The following TMEM236 variants were observed in gnomAD, a reference collection of about 807,000 sequenced individuals.
TMEM236 encodes family with sequence similarity 23, member A.
In TMEM236, 11 loss-of-function variants were observed where a neutral mutation model predicts 14.7. That is an observed-to-expected ratio of 0.75 (90% CI 0.47 to 1.24). TMEM236 has a LOEUF of 1.24. Among genes scored for constraint, TMEM236 ranks in the 50% most tolerant of loss-of-function variants. TMEM236 has a pLI of 0.00. For synonymous variants in TMEM236, 182 were observed against 168.6 expected (o/e 1.08, Z -0.62); for missense variants, 464 against 427.3 (o/e 1.09, Z -0.76).
At chr10:17,769,609 C>G (rs1290097961) in intron 1 of TMEM236, among the ~76,000 whole-genome samples, 2 of 152,090 alleles carry the variant, frequency 1.3e-5, no homozygotes, top group Non-Finnish European at 2.9e-5. Flanking sequence ...ACTTAGAGAA[C>G]TTAGTGTTGT....
chr10:17,775,756 A>G (rs1418445133), intron 2 of TMEM236, among the ~76,000 whole-genome samples: 8 of 152,240 alleles, frequency 5.3e-5, no homozygotes, highest in African/African-American at 4.8e-5. Context: ...TACCCCTTCA[A>G]TATTACAGGG....
intron 3 of TMEM236, among the ~76,000 whole-genome samples, chr10:17,776,407 A>C (rs1189774738): frequency 6.6e-6 from 1 of 152,248 alleles, no homozygotes; most frequent in Non-Finnish European, 1.5e-5. Context: ...AAAAATTATC[A>C]AATAGTTAAT....
At position 17,752,313 on chromosome 10, in the gene TMEM236, CA is replaced by C; in HGVS notation, c.19del (p.Ile7LeufsTer9). 1 of 1,613,896 alleles carries C rather than the reference CA, an allele frequency of 6.2e-7. No homozygotes were observed. Among genetic ancestry groups the C allele is most frequent in the African/African-American group, 1.3e-5 (1 of 75,018 alleles). MASGRL[I>X]KFVVFELLEF... ...TCCTCAGGATGGCTTCTGGAAGGCT[CA>C]TTAAGTTCGTGGTTTTTGAGCTCCT... On this transcript the variant is annotated frameshift_variant, in exon 1 of 4. Coordinates refer to ENST00000377495, the MANE Select transcript of TMEM236 (RefSeq NM_001098844.3). LOFTEE classifies it high-confidence loss of function.
rs1173283496 is a variant in TMEM236 at position 17,799,846 on chromosome 10, C to CTT, written c.*3343_*3344insTT. 95,045 of 152,088 alleles carry CTT rather than the reference C, an allele frequency of 0.62. 30,450 individuals are homozygous for CTT. Among genetic ancestry groups the CTT allele is most frequent in the African/African-American group, 0.77 (31,669 of 41,376 alleles). The allele number at this position is 152,088 out of a possible 1,614,324, so 9.4% of individuals were successfully genotyped here. On this transcript the variant is annotated 3_prime_UTR_variant, in exon 4 of 4. Coordinates refer to ENST00000377495, the MANE Select transcript of TMEM236 (RefSeq NM_001098844.3). ...CCTGATATTTTCGGAAGTCACAACA[C>CTT]TATACAAATAATGAAGGCATGTACA...
rs1838064719 is a variant in TMEM236 at position 17,799,513 on chromosome 10, T to G, written c.*3009T>G. 1 of 152,174 alleles carries G rather than the reference T, an allele frequency of 6.6e-6. No individual in the cohort carries two copies. The highest frequency in any genetic ancestry group is 1.5e-5 in the Non-Finnish European group (1 of 68,056). The allele number at this position is 152,174 out of a possible 1,614,324, so 9.4% of individuals were successfully genotyped here. A position where few individuals can be genotyped will look rare whatever the true frequency, so the allele number is the denominator to read the frequency against. The stretch of plus-strand genomic sequence containing the variant: ...GGGAGGCTGAGGCAGGAGAATCACT[T>G]GAACCTGGGAGGCAGAGGTTGCAAT... On this transcript the variant is annotated 3_prime_UTR_variant, in exon 4 of 4. Coordinates refer to ENST00000377495, the MANE Select transcript of TMEM236 (RefSeq NM_001098844.3).
rs1589157016 is a variant in TMEM236, at chr10:17,800,759, C to A, written c.*4255C>A. 2 of 152,106 alleles carry A rather than the reference C, an allele frequency of 1.3e-5. No individual in the cohort carries two copies. Among genetic ancestry groups the A allele is most frequent in the African/African-American group, 4.8e-5 (2 of 41,408 alleles). 9.4% of individuals were successfully genotyped at this position (152,106 alleles called of 1,614,324 possible). On this transcript the variant is annotated 3_prime_UTR_variant, in exon 4 of 4. Transcript: ENST00000377495. ...AAACTTAAAAATGGCTACTTATACT[C>A]CATAGAAGATATAGTAAATAATAGA...
Position 17,796,554 on chromosome 10 carries a change from T to G in TMEM236, c.*50T>G. 6.8e-7 allele frequency: 1 copy of G among 1,467,132 alleles called. No homozygotes were observed. Among genetic ancestry groups the G allele is most frequent in the Non-Finnish European group, 9.5e-7 (1 of 1,048,142 alleles). 90.9% of individuals were successfully genotyped at this position (1,467,132 alleles called of 1,614,324 possible). A position where few individuals can be genotyped will look rare whatever the true frequency, so the allele number is the denominator to read the frequency against. ...CTCTTTGTGATACCTGTGTGCACAT[T>G]TGTAATCCTTCTTTTTTTCTTGGGG... On this transcript the variant is annotated 3_prime_UTR_variant, in exon 4 of 4. Transcript: ENST00000377495.
In TMEM236 at chr10:17,796,471, G is replaced by C. The variant is rs1554836425; in HGVS notation, c.1023G>C (p.Arg341Ser). ...YIYFNYLTRI[R>S]IFSAFEMSPF Reference sequence around the variant, plus strand: ...ACTTCAATTACCTAACCAGAATCAGGATTTTTTCTGCCTTTGAAATGTCTC... The same window carrying C: ...ACTTCAATTACCTAACCAGAATCAGCATTTTTTCTGCCTTTGAAATGTCTC... The change falls in exon 4 of 4, where the codon AGG (arginine) becomes AGC (serine). Residue 341 changes from arginine to serine, a missense_variant. Physicochemically the swap from Arg to Ser is moderately radical, Grantham distance 110 (BLOSUM62 -1). Transcript: ENST00000377495. The C allele has an allele frequency of 2.9e-5, 47 of 1,613,298 alleles. 1 individual carries two copies. The South Asian group carries it at 5.1e-4, about 17-fold the overall frequency.
chr10:17,782,167 T>C (rs937435792), intron 3 of TMEM236, among the ~76,000 whole-genome samples: 2 of 152,276 alleles, frequency 1.3e-5, no homozygotes, highest in Non-Finnish European at 2.9e-5. Context: ...CAAACTGGCT[T>C]GAGGCTCAAC....
chr10:17,780,364 T>G (rs1837726324), intron 3 of TMEM236, among the ~76,000 whole-genome samples: 1 of 152,096 alleles, frequency 6.6e-6, no homozygotes, highest in African/African-American at 2.4e-5. Flanking sequence ...TATGAAAGTG[T>G]CCATGATTAG....
At position 17,765,633 on chromosome 10, in the gene TMEM236, G is replaced by A. The variant is rs921995639; in HGVS notation, c.258-5676G>A. Among the ~76,000 whole-genome samples, 32 of 152,274 alleles carry A rather than the reference G, an allele frequency of 2.1e-4. No homozygotes were observed. The East Asian group carries it at 3.7e-3, about 17-fold the overall frequency. On this transcript the variant is annotated intron_variant, in intron 1 of 3. Transcript: ENST00000377495. ...AGAAATTGGAAGGGGAACAGGAGTCGTGGGTCCCATGCAAGTTCAAAAGCT... is the reference window on the plus strand; with the variant it reads ...AGAAATTGGAAGGGGAACAGGAGTCATGGGTCCCATGCAAGTTCAAAAGCT...
At chr10:17,758,020 T>C (rs1564592034) in intron 1 of TMEM236, among the ~76,000 whole-genome samples, 1 of 152,132 alleles carries the variant, frequency 6.6e-6, no homozygotes, top group Non-Finnish European at 1.5e-5. Context: ...CCGCCCACTT[T>C]GGTCTCCCAA....
At chr10:17,763,420 G>A (rs1378271903) in intron 1 of TMEM236, among the ~76,000 whole-genome samples, 2 of 151,862 alleles carry the variant, frequency 1.3e-5, no homozygotes, top group Non-Finnish European at 2.9e-5. Flanking sequence ...GCAAGACCCT[G>A]TCTTTCTATT....
At chr10:17,760,848 A>G (rs1837351102) in intron 1 of TMEM236, among the ~76,000 whole-genome samples, 1 of 152,178 alleles carries the variant, frequency 6.6e-6, no homozygotes, top group Non-Finnish European at 1.5e-5. Context: ...TTATAAAACC[A>G]TCAGATCCGT....
chr10:17,776,967 A>G (rs1257368726), intron 3 of TMEM236, among the ~76,000 whole-genome samples: 2 of 152,304 alleles, frequency 1.3e-5, no homozygotes, highest in South Asian at 2.1e-4. Flanking sequence ...CAATATTTGT[A>G]TGCTAGTTAC....
chr10:17,785,042 G>A (rs1837811618), intron 3 of TMEM236, among the ~76,000 whole-genome samples: 2 of 152,188 alleles, frequency 1.3e-5, no homozygotes, highest in African/African-American at 4.8e-5. Context: ...CCCAGATTTG[G>A]GAGTTCGCAG....
intron 1 of TMEM236, among the ~76,000 whole-genome samples, chr10:17,768,802 A>G (rs1837519878): frequency 1.3e-5 from 2 of 151,798 alleles, no homozygotes; most frequent in South Asian, 4.2e-4. Context: ...AGTAGGAGCA[A>G]TAAGAGAGAA....
At chr10:17,793,546 C>T (rs1241142620) in intron 3 of TMEM236, among the ~76,000 whole-genome samples, 7 of 152,038 alleles carry the variant, frequency 4.6e-5, no homozygotes, top group African/African-American at 7.3e-5. Context: ...TGCAGTGGTG[C>T]GATCTTAGCT....
intron 1 of TMEM236, among the ~76,000 whole-genome samples, chr10:17,768,243 A>T (rs889932874): frequency 2.0e-5 from 3 of 151,758 alleles, no homozygotes; most frequent in South Asian, 2.1e-4. Flanking sequence ...CAAAGAAAAT[A>T]AAAAAAAGAC....
Sources: allele counts gnomAD v4.1 joint callset (sites outside exome capture counted in the v4.1 genomes callset), GRCh38; gene constraint gnomAD v4.1.1; transcripts MANE v1.5; gene names NCBI Gene and HGNC (gene_info 2026-07-23, HGNC 2026-07-21).